DNAAF3: variants seen among roughly 807,000 people sequenced by gnomAD.
DNAAF3 encodes the protein UPF0470 protein C19orf51.
Under a neutral mutation model 50.9 loss-of-function variants are expected in DNAAF3, and 40 were observed. The observed-to-expected ratio is 0.79, with a 90% confidence interval of 0.61 to 1.02. The LOEUF (loss-of-function observed/expected upper bound fraction) is 1.02, where lower values mean the gene tolerates loss of function less well. Among genes scored for constraint, DNAAF3 ranks in the 50% least tolerant of loss-of-function variants. The pLI is 0.00. For missense variants in DNAAF3, 763 were observed against 744.7 expected (o/e 1.02, Z -0.29); for synonymous variants, 327 against 322.8 (o/e 1.01, Z -0.14).
rs1313917650 is a variant in DNAAF3 at position 55,159,191 on chromosome 19, A to T, written c.1497T>A (p.Gly499=). 1.2e-6 allele frequency: 2 copies of T among 1,613,754 alleles called. No homozygotes were observed. The highest frequency in any genetic ancestry group is 1.7e-6 in the Non-Finnish European group (2 of 1,180,028). ...GGCAGGGCTCACAGTGTGGGGTCCC[A>T]CCCTGCAGAGGCTGGGTCAGGCCCT... is the stretch of plus-strand genomic sequence containing the variant. ...ALEGLTQPLQ[G]GTPHCEPCQL... is the part of the protein sequence containing the mutation. The change falls in exon 12 of 12, where the codon GGT becomes GGA. Residue 499 remains glycine, a synonymous_variant. Transcript: ENST00000524407.
rs767701157 is a variant in DNAAF3, at chr19:55,159,359, G to C, written c.1329C>G (p.Thr443=). The change falls in exon 12 of 12, where the codon ACC becomes ACG. Residue 443 remains threonine (T), a synonymous_variant. Transcript: ENST00000524407. ...LAQAAGFAPQ[T]GARPSETFAR... is the part of the protein sequence containing the mutation. Reference sequence around the variant, plus strand: ...CGAAGGTCTCTGAAGGCCTGGCCCCGGTCTGTGGAGCAAATCCAGCTGCCT... The same window carrying C: ...CGAAGGTCTCTGAAGGCCTGGCCCCCGTCTGTGGAGCAAATCCAGCTGCCT... 2 of 1,614,170 alleles carry C rather than the reference G, an allele frequency of 1.2e-6. No homozygotes were observed. The highest frequency in any genetic ancestry group is 2.2e-5 in the East Asian group (1 of 44,888).
chr19:55,159,323 G>T lies in DNAAF3; in HGVS notation c.1365C>A (p.Cys455Ter). The T allele has an allele frequency of 6.2e-7, 1 of 1,614,174 alleles. No individual in the cohort carries two copies. The change falls in exon 12 of 12, where the codon TGC (cysteine) becomes TGA (stop). Residue 455 changes from cysteine to a stop codon, truncating the protein, a stop_gained. Transcript: ENST00000524407. LOFTEE classifies it low-confidence loss of function (END_TRUNC). Reference sequence around the variant, plus strand: ...TGCCCAGAGCTGATTCCTGGGACTTGCAGAAACGTGCGAAGGTCTCTGAAG... The same window carrying T: ...TGCCCAGAGCTGATTCCTGGGACTTTCAGAAACGTGCGAAGGTCTCTGAAG... ...ARPSETFARFCKSQESALGNT... is the reference protein window; with the variant it reads ...ARPSETFARF
intron 3 of DNAAF3, 55 bp from the exon 4 acceptor site, chr19:55,165,518 G>A (rs982108860): frequency 3.9e-6 from 6 of 1,550,928 alleles, no homozygotes; most frequent in Middle Eastern, 1.9e-4. Context: ...TGGGTCCTAG[G>A]AGACCCAGGA....
At position 55,162,187 on chromosome 19, in the gene DNAAF3, G is replaced by A. The variant is rs981566868; in HGVS notation, c.426C>T (p.Pro142=). ...GCTGTTCCTCCAGGCGGTCGGGCTC[G>A]GGGACCAGGTGCGCCAGCAGGTCGG... ...AQADLLAHLV[P]EPDRLEEQLP... Residue 142 remains proline, a synonymous_variant, in exon 5 of 12, where the codon CCC becomes CCT. Coordinates refer to ENST00000524407, the MANE Select transcript of DNAAF3 (RefSeq NM_001256715.2). 2.4e-6 allele frequency: 3 copies of A among 1,253,564 alleles called. No individual in the cohort carries two copies. Among genetic ancestry groups the A allele is most frequent in the Non-Finnish European group, 3.0e-6 (3 of 991,452 alleles). 77.7% of individuals were successfully genotyped at this position (1,253,564 alleles called of 1,614,324 possible). A position where few individuals can be genotyped will look rare whatever the true frequency, so the allele number is the denominator to read the frequency against.
Position 55,166,174 on chromosome 19 carries a change from C to T in DNAAF3, c.85+155G>A. 6 of 1,549,502 alleles carry T rather than the reference C, an allele frequency of 3.9e-6. No individual in the cohort carries two copies. Among genetic ancestry groups the T allele is most frequent in the Non-Finnish European group, 5.2e-6 (6 of 1,148,190 alleles). On this transcript the variant is annotated intron_variant, in intron 2 of 11. Coordinates refer to ENST00000524407, the MANE Select transcript of DNAAF3 (RefSeq NM_001256715.2). This position sits in a 1 kb window ranked among gnomAD's most constrained non-coding sequence, Gnocchi z 4.0. ...GATTCGCAGTCCGCAGACAGGACCT[C>T]GGGGCTGCCCCTGGGAGCGCGCCCT...
In DNAAF3 at chr19:55,166,498, C is replaced by T; in HGVS notation, c.-5+25G>A. On this transcript the variant is annotated intron_variant, in intron 1 of 11. Coordinates refer to ENST00000524407, the MANE Select transcript of DNAAF3 (RefSeq NM_001256715.2). This position sits in a 1 kb window ranked among gnomAD's most constrained non-coding sequence, Gnocchi z 4.0. ...CCGCCCCTCACTTCTCGCCCCTTTG[C>T]CTCCACATGATACCTTGCCCACACC... The T allele has an allele frequency of 6.2e-7, 1 of 1,613,708 alleles. No individual in the cohort carries two copies. The highest frequency in any genetic ancestry group is 8.5e-7 in the Non-Finnish European group (1 of 1,179,726).
Position 55,159,221 on chromosome 19 carries a change from G to T in DNAAF3, c.1467C>A (p.Ala489=), listed in dbSNP as rs747747588. ...GCAGAGGCTGGGTCAGGCCCTCAAG[G>T]GCTGGGTTGCTGGCTTCAAGAGGCT... is the stretch of plus-strand genomic sequence containing the variant. ...LAQPLEASNP[A]LEGLTQPLQG... is the part of the protein sequence containing the mutation. Residue 489 remains alanine, a synonymous_variant, in exon 12 of 12, where the codon GCC becomes GCA. Coordinates refer to ENST00000524407, the MANE Select transcript of DNAAF3 (RefSeq NM_001256715.2). 1.8e-5 allele frequency: 29 copies of T among 1,613,832 alleles called. No homozygotes were observed. Among genetic ancestry groups the T allele is most frequent in the Non-Finnish European group, 2.0e-5 (24 of 1,180,042 alleles).
In DNAAF3 at chr19:55,160,779, A is replaced by C; in HGVS notation, c.913-4T>G. On this transcript the variant is annotated splice_polypyrimidine_tract_variant and splice_region_variant and intron_variant, in intron 8 of 11. Coordinates refer to ENST00000524407, the MANE Select transcript of DNAAF3 (RefSeq NM_001256715.2). This position sits in a 1 kb window ranked among gnomAD's most constrained non-coding sequence, Gnocchi z 4.7. Reference sequence around the variant, plus strand: ...GTTGAGTGATCTCCCCGGCCGTCTAACAGTAGAAGGGGCGTGGCCAGACGT... The same window carrying C: ...GTTGAGTGATCTCCCCGGCCGTCTACCAGTAGAAGGGGCGTGGCCAGACGT... 1.2e-6 allele frequency: 2 copies of C among 1,608,602 alleles called. No individual in the cohort carries two copies. Among genetic ancestry groups the C allele is most frequent in the East Asian group, 2.2e-5 (1 of 44,836 alleles).
Position 55,161,146 on chromosome 19 carries a change from G to A in DNAAF3, c.831C>T (p.Ile277=), listed in dbSNP as rs1305851226. 1.2e-5 allele frequency: 18 copies of A among 1,554,438 alleles called. No homozygotes were observed. The highest frequency in any genetic ancestry group is 9.4e-5 in the South Asian group (8 of 84,678). Residue 277 remains isoleucine, a synonymous_variant, in exon 8 of 12, where the codon ATC becomes ATT. Coordinates refer to ENST00000524407, the MANE Select transcript of DNAAF3 (RefSeq NM_001256715.2). The surrounding 1 kb of genome is among the most constrained non-coding windows in gnomAD (Gnocchi z 6.4). ...CGAAGGCCACGAAGGGCCCCGTGGC[G>A]ATGTCCCCCCAGTACCCGCGCGCTG... ...RVAARGYWGD[I]ATGPFVAFGI...
rs368469150 is a variant in DNAAF3 at position 55,159,973 on chromosome 19, C to T, written c.1089G>A (p.Pro363=). The change falls in exon 10 of 12, where the codon CCG becomes CCA. Residue 363 remains proline, a synonymous_variant. Coordinates refer to ENST00000524407, the MANE Select transcript of DNAAF3 (RefSeq NM_001256715.2). ...GGTGGAGAGTCTGAGCAGAATTGAG[C>T]GGCAGGAAGTGGACGGTGAAAGATT... ...TPESFTVHFL[P]LNSAQTLHHK... 4.9e-5 allele frequency: 79 copies of T among 1,602,652 alleles called. No homozygotes were observed. The highest frequency in any genetic ancestry group is 6.1e-5 in the Non-Finnish European group (72 of 1,174,730).
Position 55,166,176 on chromosome 19 carries a change from G to T in DNAAF3, c.85+153C>A. The T allele has an allele frequency of 6.5e-7, 1 of 1,549,630 alleles. No individual in the cohort carries two copies. Among genetic ancestry groups the T allele is most frequent in the Non-Finnish European group, 8.7e-7 (1 of 1,148,248 alleles). ...TTCGCAGTCCGCAGACAGGACCTCG[G>T]GGCTGCCCCTGGGAGCGCGCCCTCT... On this transcript the variant is annotated intron_variant, in intron 2 of 11. Coordinates refer to ENST00000524407, the MANE Select transcript of DNAAF3 (RefSeq NM_001256715.2). This position sits in a 1 kb window ranked among gnomAD's most constrained non-coding sequence, Gnocchi z 4.0.
chr19:55,162,279 T>C lies in DNAAF3; in HGVS notation c.334A>G (p.Thr112Ala). Residue 112 changes from threonine (T) to alanine (A), a missense_variant, in exon 5 of 12, where the codon ACC (threonine) becomes GCC (alanine). Thr to Ala is a moderately conservative substitution (Grantham distance 58, BLOSUM62 0). Transcript: ENST00000524407. ...GCGTTCCCCCACACTTCCAGGAAGG[T>C]CTCGCTTCGCTCTACGGAGAGAGGG... ...EKMGLQERSE[T>A]FLEVWGNALL... is the part of the protein sequence containing the mutation. 8.0e-7 allele frequency: 1 copy of C among 1,249,678 alleles called. No homozygotes were observed. Among genetic ancestry groups the C allele is most frequent in the South Asian group, 4.1e-5 (1 of 24,590 alleles). 77.4% of individuals were successfully genotyped at this position (1,249,678 alleles called of 1,614,324 possible). A position where few individuals can be genotyped will look rare whatever the true frequency, so the allele number is the denominator to read the frequency against.
chr19:55,159,333 G>C lies in DNAAF3; in HGVS notation c.1355C>G (p.Ala452Gly). Reference sequence around the variant, plus strand: ...TGATTCCTGGGACTTGCAGAAACGTGCGAAGGTCTCTGAAGGCCTGGCCCC... The same window carrying C: ...TGATTCCTGGGACTTGCAGAAACGTCCGAAGGTCTCTGAAGGCCTGGCCCC... ...QTGARPSETFARFCKSQESAL... is the reference protein window; with the variant it reads ...QTGARPSETFGRFCKSQESAL... The change falls in exon 12 of 12, where the codon GCA becomes GGA. Residue 452 changes from alanine to glycine, a missense_variant. Ala to Gly is a moderately conservative substitution (Grantham distance 60, BLOSUM62 0). Coordinates refer to ENST00000524407, the MANE Select transcript of DNAAF3 (RefSeq NM_001256715.2). The C allele has an allele frequency of 6.2e-7, 1 of 1,614,180 alleles. No homozygotes were observed. The highest frequency in any genetic ancestry group is 8.5e-7 in the Non-Finnish European group (1 of 1,180,042).
In DNAAF3 at chr19:55,160,648, C is replaced by A. The variant is rs752999777; in HGVS notation, c.1040G>T (p.Gly347Val). 1.2e-6 allele frequency: 2 copies of A among 1,613,828 alleles called. No homozygotes were observed. Among genetic ancestry groups the A allele is most frequent in the Non-Finnish European group, 8.5e-7 (1 of 1,179,940 alleles). ...TGTTGTCCCTGGCTTACCTGGAGTC[C>A]CTGGCTCCGGGCTTCCCTCCGCGTG... The part of the protein sequence containing the change: ...QQHAEGSPEP[G>V]TPAAPTPESF... The change falls in exon 9 of 12, where the codon GGG becomes GTG. Residue 347 changes from glycine (G) to valine (V), a missense_variant. Coordinates refer to ENST00000524407, the MANE Select transcript of DNAAF3 (RefSeq NM_001256715.2). This position sits in a 1 kb window ranked among gnomAD's most constrained non-coding sequence, Gnocchi z 4.7.
chr19:55,161,759 C>T lies in DNAAF3; in HGVS notation c.547G>A (p.Ala183Thr). The T allele has an allele frequency of 1.3e-6, 2 of 1,517,870 alleles. No homozygotes were observed. Among genetic ancestry groups the T allele is most frequent in the Non-Finnish European group, 1.8e-6 (2 of 1,134,152 alleles). 94.0% of individuals were successfully genotyped at this position (1,517,870 alleles called of 1,614,324 possible). The part of the protein sequence containing the change: ...FWAGGEKGPQ[A>T]FPMSRLWDSR... ...TCCCAGAGGCGGCTCATGGGGAACG[C>T]CTGGGGCCCTTTCTCGCCGCCAGCC... is the stretch of plus-strand genomic sequence containing the variant. Residue 183 changes from alanine to threonine, a missense_variant, in exon 6 of 12, where the codon GCG becomes ACG. Coordinates refer to ENST00000524407, the MANE Select transcript of DNAAF3 (RefSeq NM_001256715.2). This position sits in a 1 kb window ranked among gnomAD's most constrained non-coding sequence, Gnocchi z 6.4.
rs1162592516 is a variant in DNAAF3, at chr19:55,166,059, A to G, written c.86-59T>C. The G allele has an allele frequency of 1.9e-6, 3 of 1,613,468 alleles. No homozygotes were observed. The highest frequency in any genetic ancestry group is 1.7e-5 in the Admixed American group (1 of 59,842). ...TGGTTGGCAGAGCGTCCACCGTAGC[A>G]TCCCCTATAAAAAATGGACTACAAA... On this transcript the variant is annotated intron_variant, in intron 2 of 11. Transcript: ENST00000524407. This position sits in a 1 kb window ranked among gnomAD's most constrained non-coding sequence, Gnocchi z 4.0.
Position 55,161,925 on chromosome 19 carries a change from G to C in DNAAF3, c.481-100C>G. The C allele has an allele frequency of 7.5e-7, 1 of 1,341,500 alleles. No individual in the cohort carries two copies. Among genetic ancestry groups the C allele is most frequent in the Non-Finnish European group, 9.6e-7 (1 of 1,045,060 alleles). The allele number at this position is 1,341,500 out of a possible 1,614,324, so 83.1% of individuals were successfully genotyped here. A position where few individuals can be genotyped will look rare whatever the true frequency, so the allele number is the denominator to read the frequency against. ...CTCTTCCATCCCAGAACAGGGGAAC[G>C]ATTCCCCCGTTTCTCGGATGGAAAA... On this transcript the variant is annotated intron_variant, in intron 5 of 11. Transcript: ENST00000524407. The surrounding 1 kb of genome is among the most constrained non-coding windows in gnomAD (Gnocchi z 6.4).
At position 55,158,717 on chromosome 19, in the gene DNAAF3, T is replaced by C. The variant is rs1278895386; in HGVS notation, c.*345A>G. The C allele has an allele frequency of 4.6e-6, 1 of 219,044 alleles. No individual in the cohort carries two copies. The highest frequency in any genetic ancestry group is 9.1e-6 in the Non-Finnish European group (1 of 109,692). The allele number at this position is 219,044 out of a possible 1,614,324, so 13.6% of individuals were successfully genotyped here. A position where few individuals can be genotyped will look rare whatever the true frequency, so the allele number is the denominator to read the frequency against. Reference sequence around the variant, plus strand: ...CATCTGGGTGCTGACCAGGCCCTGGTGAGGAGACACCCCAGCCCCTAGTCA... The same window carrying C: ...CATCTGGGTGCTGACCAGGCCCTGGCGAGGAGACACCCCAGCCCCTAGTCA... On this transcript the variant is annotated 3_prime_UTR_variant, in exon 12 of 12. Transcript: ENST00000524407.
Position 55,166,142 on chromosome 19 carries a change from A to C in DNAAF3, c.86-142T>G. On this transcript the variant is annotated intron_variant, in intron 2 of 11. Transcript: ENST00000524407. This position sits in a 1 kb window ranked among gnomAD's most constrained non-coding sequence, Gnocchi z 4.0. Reference sequence around the variant, plus strand: ...CTAAGGGGAGGTGTTTCCTCTGAGTATTCTGGGATTCGCAGTCCGCAGACA... The same window carrying C: ...CTAAGGGGAGGTGTTTCCTCTGAGTCTTCTGGGATTCGCAGTCCGCAGACA... The C allele has an allele frequency of 6.4e-7, 1 of 1,556,942 alleles. No individual in the cohort carries two copies. Among genetic ancestry groups the C allele is most frequent in the Non-Finnish European group, 8.7e-7 (1 of 1,151,390 alleles).
Sources: gnomAD v4.1 joint callset for allele counts on GRCh38, gnomAD v4.1.1 for gene constraint, Gnocchi (gnomAD v3.1) non-coding constraint, MANE v1.5 for transcripts, NCBI Gene and HGNC (gene_info 2026-07-23, HGNC 2026-07-21) for gene names.